Variants in SCN8A observed in about 807,000 individuals in gnomAD.
The protein encoded by SCN8A is sodium voltage-gated channel alpha subunit 8.
Under a neutral mutation model 184.1 loss-of-function variants are expected in SCN8A, and 30 were observed. The observed-to-expected ratio is 0.16, with a 90% CI of 0.12 to 0.22. SCN8A has a LOEUF of 0.22. Among genes scored for constraint, SCN8A ranks in the 10% least tolerant of loss-of-function variants. The pLI is 1.00. For missense variants in SCN8A, 1,057 were observed against 2,498.9 expected, an observed-to-expected ratio of 0.42 and a Z score of 12.30; for synonymous variants, 852 against 907.0, an observed-to-expected ratio of 0.94 and a Z score of 1.09.
chr12:51,615,937 G>A (rs369240980), intron 1 of SCN8A, among the ~76,000 whole-genome samples: 1 of 151,924 alleles, frequency 6.6e-6, no homozygotes, highest in Non-Finnish European at 1.5e-5. Flanking sequence ...TGACTGTGTT[G>A]CCCAGGCTGG....
chr12:51,676,474 G>T (rs748674771), intron 2 of SCN8A, among the ~76,000 whole-genome samples: 11 of 152,136 alleles, frequency 7.2e-5, no homozygotes, highest in Non-Finnish European at 1.5e-4. Flanking sequence ...ATTTTGAAAA[G>T]ACACTTATTT....
At chr12:51,679,650 C>T (rs1941291827) in intron 2 of SCN8A, among the ~76,000 whole-genome samples, 1 of 151,836 alleles carries the variant, frequency 6.6e-6, no homozygotes, top group South Asian at 2.1e-4. Context: ...CGTGTAACTA[C>T]TGCAAGCCCC....
At chr12:51,757,721 A>G (rs1217019134) in intron 14 of SCN8A, among the ~76,000 whole-genome samples, 8 of 152,176 alleles carry the variant, frequency 5.3e-5, no homozygotes, top group South Asian at 2.1e-4. Context: ...TAGAATTTCA[A>G]AGCTGCAGTG....
At chr12:51,685,678 A>C (rs894589908) in intron 3 of SCN8A, among the ~76,000 whole-genome samples, 56 of 152,180 alleles carry the variant, frequency 3.7e-4, no homozygotes, top group African/African-American at 1.2e-3. Context: ...CACATTGGAC[A>C]TATTCAACAC....
At chr12:51,623,524 C>G (rs1056381352) in intron 1 of SCN8A, among the ~76,000 whole-genome samples, 1 of 152,180 alleles carries the variant, frequency 6.6e-6, no homozygotes, top group Admixed American at 6.5e-5. Flanking sequence ...ACTTATACTC[C>G]TATGAGCTAC....
intron 1 of SCN8A, among the ~76,000 whole-genome samples, chr12:51,634,948 C>A (rs1940283754): frequency 6.6e-6 from 1 of 151,994 alleles, no homozygotes; most frequent in African/African-American, 2.4e-5. Flanking sequence ...CCACACCTAG[C>A]AACTGTTAGA....
chr12:51,725,620 T>C (rs1441015800), intron 12 of SCN8A, among the ~76,000 whole-genome samples: 2 of 152,192 alleles, frequency 1.3e-5, no homozygotes, highest in Non-Finnish European at 2.9e-5. Context: ...CCTTAAACCA[T>C]GGTCTTTCTG....
intron 26 of SCN8A, among the ~76,000 whole-genome samples, chr12:51,803,492 C>T (rs138169659): frequency 7.2e-5 from 11 of 152,156 alleles, no homozygotes; most frequent in African/African-American, 2.6e-4. Flanking sequence ...ACAATATTAA[C>T]CATCACAAGG....
In SCN8A at chr12:51,683,458, T is replaced by A. The variant is rs528562958; in HGVS notation, c.277-716T>A. Among the ~76,000 whole-genome samples, 102 of 152,348 alleles carry A rather than the reference T, an allele frequency of 6.7e-4. No individual in the cohort carries two copies. In the South Asian group the frequency reaches 8.9e-3, roughly 13 times the overall value. On this transcript the variant is annotated intron_variant, in intron 2 of 26. Coordinates refer to ENST00000627620, the MANE Select transcript of SCN8A (RefSeq NM_001330260.2). ...TGATATTGGGGGCTCTTGAAAGCCA[T>A]ATAAAGCAGATTGAATATTGGTAAG...
At chr12:51,780,589 T>TTTTTTTTTTTTTTTTTTG in intron 20 of SCN8A, 60 bp from the exon 21 acceptor site, 1 of 322,106 alleles carries the variant, frequency 3.1e-6, no homozygotes, top group Non-Finnish European at 5.2e-6. Flanking sequence ...TTTTTTTTTT[T>TTTTTTTTTTTTTTTTTTG]TTTTTTTTTT....
chr12:51,739,878 C>G (rs1242724852), intron 12 of SCN8A, among the ~76,000 whole-genome samples: 2 of 152,218 alleles, frequency 1.3e-5, no homozygotes, highest in African/African-American at 4.8e-5. Flanking sequence ...GCCTTCGGAG[C>G]TGGGAGCCCC....
chr12:51,807,538 G>A lies in SCN8A; in HGVS notation c.*109G>A. The A allele has an allele frequency of 3.3e-6, 4 of 1,194,174 alleles. No individual in the cohort carries two copies. The highest frequency in any genetic ancestry group is 4.8e-6 in the Non-Finnish European group (4 of 830,884). 74.0% of individuals were successfully genotyped at this position (1,194,174 alleles called of 1,614,324 possible). On this transcript the variant is annotated 3_prime_UTR_variant, in exon 27 of 27. Coordinates refer to ENST00000627620, the MANE Select transcript of SCN8A (RefSeq NM_001330260.2). The surrounding 1 kb of genome is among the most constrained non-coding windows in gnomAD (Gnocchi z 4.5). ...AGAACAGCTGTGGAGACTCTAACCT[G>A]AAGATCTATACCAAACGTCGTCTGC...
At chr12:51,641,535 C>G (rs1940454121) in intron 1 of SCN8A, among the ~76,000 whole-genome samples, 1 of 152,172 alleles carries the variant, frequency 6.6e-6, no homozygotes, top group Non-Finnish European at 1.5e-5. Context: ...CCTTTGTGAT[C>G]TTGTCATATG....
intron 1 of SCN8A, among the ~76,000 whole-genome samples, chr12:51,605,932 TG>T (rs1257875798): frequency 1.3e-5 from 2 of 152,224 alleles, no homozygotes; most frequent in African/African-American, 4.8e-5. Context: ...GCCCACTTTT[TG>T]ATGGGATTGT....
intron 11 of SCN8A, among the ~76,000 whole-genome samples, chr12:51,711,199 A>T (rs1484477243): frequency 6.6e-6 from 1 of 152,222 alleles, no homozygotes; most frequent in Non-Finnish European, 1.5e-5. Context: ...ACGCTTTGCT[A>T]TTGAATGGTC....
At chr12:51,669,485 C>A (rs1014469952) in intron 2 of SCN8A, among the ~76,000 whole-genome samples, 1 of 152,204 alleles carries the variant, frequency 6.6e-6, no homozygotes, top group African/African-American at 2.4e-5. Context: ...ACCCACCCAC[C>A]TTCTTCTGGT....
At chr12:51,805,738 C>T (rs917537599) in intron 26 of SCN8A, among the ~76,000 whole-genome samples, 1 of 152,110 alleles carries the variant, frequency 6.6e-6, no homozygotes, top group Non-Finnish European at 1.5e-5. Flanking sequence ...AAACAAAAAA[C>T]AACAACATCA....
chr12:51,797,784 T>G (rs184917818), intron 26 of SCN8A, among the ~76,000 whole-genome samples: 2 of 152,344 alleles, frequency 1.3e-5, no homozygotes, highest in Non-Finnish European at 2.9e-5. Context: ...TATAACTCCC[T>G]TCTTAGACTG....
chr12:51,755,948 C>T (rs1193398543), intron 14 of SCN8A, among the ~76,000 whole-genome samples: 1 of 151,972 alleles, frequency 6.6e-6, no homozygotes, highest in Non-Finnish European at 1.5e-5. Context: ...GCTCTGGGTG[C>T]CCCCCACCCC....
Sources: allele counts gnomAD v4.1 joint callset (sites outside exome capture counted in the v4.1 genomes callset), GRCh38; gene constraint gnomAD v4.1.1; non-coding constraint Gnocchi (gnomAD v3.1); transcripts MANE v1.5; gene names NCBI Gene and HGNC (gene_info 2026-07-23, HGNC 2026-07-21).